The following PACRGL variants were observed in gnomAD, a reference collection of about 807,000 sequenced individuals.
The protein encoded by PACRGL is PACRG-like protein.
A neutral mutation model predicts 34.5 loss-of-function variants in PACRGL; 38 were observed. The ratio of observed to expected loss-of-function variants is 1.10; its 90% CI spans 0.85 to 1.44. The LOEUF (loss-of-function observed/expected upper bound fraction) is 1.44. Ranked by LOEUF, PACRGL falls within the 40% of genes most tolerant of loss-of-function variation. The pLI is 0.00. For missense variants in PACRGL, 305 were observed against 281.4 expected, an observed-to-expected ratio of 1.08 and a Z score of -0.60; for synonymous variants, 128 against 100.1, an observed-to-expected ratio of 1.28 and a Z score of -1.66.
At chr4:20,736,653 T>A (rs1318199209), downstream of PACRGL, among the ~76,000 whole-genome samples, 2 of 152,226 alleles carry the variant, frequency 1.3e-5, no homozygotes, top group Admixed American at 1.3e-4. Flanking sequence ...ATATTCTTAG[T>A]TTTTTCTTGA....
rs530971443 is a variant in PACRGL, at chr4:20,731,493, CTGTT to C, written c.*4154_*4157del. 7,427 of 985,312 alleles carry C rather than the reference CTGTT, an allele frequency of 7.5e-3. 39 individuals carry two copies. The highest frequency in any genetic ancestry group is 8.5e-3 in the Non-Finnish European group (7,023 of 829,874). The allele number at this position is 985,312 out of a possible 1,614,324, so 61.0% of individuals were successfully genotyped here. Reference sequence around the variant, plus strand: ...AGTTCTCTTCAGAGAAAATTTTCCACTGTTTATTTTTTGTGACTGAAGACCATTA... The same window carrying C: ...AGTTCTCTTCAGAGAAAATTTTCCACTATTTTTTGTGACTGAAGACCATTA... On this transcript the variant is annotated 3_prime_UTR_variant, in exon 9 of 9. Coordinates refer to ENST00000503585, the MANE Select transcript of PACRGL (RefSeq NM_001258345.3).
At chr4:20,738,448 G>A (rs1328605868) in intron 8 of PACRGL, among the ~76,000 whole-genome samples, 1 of 152,186 alleles carries the variant, frequency 6.6e-6, no homozygotes, top group African/African-American at 2.4e-5. Context: ...TTAGGTTGAA[G>A]TGGGACCCCA....
At chr4:20,739,164 A>G (rs981030101) in intron 8 of PACRGL, among the ~76,000 whole-genome samples, 2 of 152,234 alleles carry the variant, frequency 1.3e-5, no homozygotes, top group African/African-American at 4.8e-5. Flanking sequence ...GGGGCAGGTC[A>G]TAGCTGAACA....
chr4:20,759,037 C>T, the PACRGL span: 2 of 589,192 alleles, frequency 3.4e-6, no homozygotes, highest in African/African-American at 1.9e-5. Flanking sequence ...AATAAAAGCA[C>T]ACTATAAACT....
chr4:20,724,863 A>G lies in PACRGL; in HGVS notation c.665A>G (p.Gln222Arg). The change falls in exon 8 of 9, where the codon CAA becomes CGA. Residue 222 changes from glutamine to arginine, a missense_variant. Transcript: ENST00000503585. ...KFKEPITSAL[Q>R]KLEQHGGSGS... ...AAAGAGCCAATCACCAGCGCATTAC[A>G]AAAGCTAGAGCAACATGGTGGAAGT... is the stretch of plus-strand genomic sequence containing the variant. 6.7e-7 allele frequency: 1 copy of G among 1,497,936 alleles called. No homozygotes were observed. Among genetic ancestry groups the G allele is most frequent in the Non-Finnish European group, 8.8e-7 (1 of 1,132,602 alleles). 92.8% of individuals were successfully genotyped at this position (1,497,936 alleles called of 1,614,324 possible).
chr4:20,712,967 G>A (rs1308399371), intron 6 of PACRGL, 45 bp downstream of exon 6: 1 of 1,437,364 alleles, frequency 7.0e-7, no homozygotes, highest in African/African-American at 1.4e-5. Context: ...AAACATGATA[G>A]AAAAGAAAGC....
chr4:20,726,581 C>G (rs912549787), intron 8 of PACRGL, among the ~76,000 whole-genome samples: 1 of 152,070 alleles, frequency 6.6e-6, no homozygotes, highest in Non-Finnish European at 1.5e-5. Context: ...ACCTTAAAAG[C>G]TTATATATCT....
chr4:20,725,033 C>T, intron 8 of PACRGL, 145 bp downstream of exon 8: 1 of 502,690 alleles, frequency 2.0e-6, no homozygotes, highest in Non-Finnish European at 3.2e-6. Flanking sequence ...CCTTTTAGAA[C>T]TCAAGAGTTT....
intron 4 of PACRGL, 53 bp from the exon 5 acceptor site, chr4:20,709,630 C>T (rs892786060): frequency 1.8e-5 from 21 of 1,174,458 alleles, no homozygotes; most frequent in Non-Finnish European, 2.5e-5. Context: ...ATTATCCCTG[C>T]TTAATATAGA....
At chr4:20,720,120 A>G (rs964461343) in intron 7 of PACRGL, among the ~76,000 whole-genome samples, 29 of 152,068 alleles carry the variant, frequency 1.9e-4, no homozygotes, top group South Asian at 4.2e-4. Context: ...TTGTTGGTTT[A>G]AAGTCTTTTA....
intron 3 of PACRGL, among the ~76,000 whole-genome samples, chr4:20,707,278 G>A (rs1734948631): frequency 6.8e-6 from 1 of 147,202 alleles, no homozygotes; most frequent in African/African-American, 2.7e-5. Context: ...AAACTGAAAG[G>A]TTATGAAGTT....
At chr4:20,734,907 CCTT>C (rs1231720724), downstream of PACRGL, among the ~76,000 whole-genome samples, 1 of 152,044 alleles carries the variant, frequency 6.6e-6, no homozygotes, top group Non-Finnish European at 1.5e-5. Flanking sequence ...ATAAATCACT[CCTT>C]AGTCTTAACA....
intron 7 of PACRGL, among the ~76,000 whole-genome samples, chr4:20,722,041 A>AGCCTTGCTGCC (rs1743531859): frequency 6.6e-6 from 1 of 152,188 alleles, no homozygotes; most frequent in Non-Finnish European, 1.5e-5. Context: ...CCCCTCTCCC[A>AGCCTTGCTGCC]GCCTTGCTGC....
At chr4:20,748,117 C>A (rs2149331189) in intron 8 of PACRGL, among the ~76,000 whole-genome samples, 1 of 152,216 alleles carries the variant, frequency 6.6e-6, no homozygotes, top group East Asian at 1.9e-4. Flanking sequence ...AAATTCACAT[C>A]CCTGCCAAAA....
intron 8 of PACRGL, among the ~76,000 whole-genome samples, chr4:20,744,399 C>G (rs1226768802): frequency 6.6e-6 from 1 of 151,256 alleles, no homozygotes; most frequent in African/African-American, 2.5e-5. Flanking sequence ...GAAAATGTGG[C>G]ACATATACTG....
rs1160241214 is a variant in PACRGL, at chr4:20,727,297, A to G, written c.703A>G (p.Ile235Val). The change falls in exon 9 of 9, where the codon ATC becomes GTC. Residue 235 changes from isoleucine to valine, a missense_variant. Transcript: ENST00000503585. ...EQHGGSGSLS[I>V]IKSKIPTYCS... ...TTTCTGTTGACAGGGGAGCCTTAGC[A>G]TCATCAAATCTAAAATTCCAACATA... The G allele has an allele frequency of 1.9e-5, 30 of 1,612,724 alleles. No individual in the cohort carries two copies. The highest frequency in any genetic ancestry group is 2.5e-5 in the Non-Finnish European group (29 of 1,179,026).
At chr4:20,763,917 GT>G in the PACRGL span, among the ~76,000 whole-genome samples, 1 of 152,026 alleles carries the variant, frequency 6.6e-6, no homozygotes, top group South Asian at 2.1e-4. Context: ...CATTTCCCAG[GT>G]GTCATTTTTA....
chr4:20,731,435 C>A lies in PACRGL; in HGVS notation c.*4094C>A, dbSNP rs1466632671. The A allele has an allele frequency of 5.1e-6, 5 of 985,224 alleles. No homozygotes were observed. The highest frequency in any genetic ancestry group is 6.0e-6 in the Non-Finnish European group (5 of 829,892). 61.0% of individuals were successfully genotyped at this position (985,224 alleles called of 1,614,324 possible). A position where few individuals can be genotyped will look rare whatever the true frequency, so the allele number is the denominator to read the frequency against. Reference sequence around the variant, plus strand: ...AGTCAAATAATTCTAAGTAAGCTAACACTGGTTTCTTTGATAACAGGCTAC... The same window carrying A: ...AGTCAAATAATTCTAAGTAAGCTAAAACTGGTTTCTTTGATAACAGGCTAC... On this transcript the variant is annotated 3_prime_UTR_variant, in exon 9 of 9. Transcript: ENST00000503585.
rs558896827 is a variant in PACRGL, at chr4:20,706,615, C to T, written c.208-1188C>T. On this transcript the variant is annotated intron_variant, in intron 3 of 8. Coordinates refer to ENST00000503585, the MANE Select transcript of PACRGL (RefSeq NM_001258345.3). Reference sequence around the variant, plus strand: ...TTTTTGAGACGGAATCTCGCTCCGTCGCCAGGCTGGAGTGCAGTGGCACAA... The same window carrying T: ...TTTTTGAGACGGAATCTCGCTCCGTTGCCAGGCTGGAGTGCAGTGGCACAA... Among the ~76,000 whole-genome samples the T allele has an allele frequency of 2.5e-3, 371 of 151,270 alleles. 1 individual carries two copies. The highest frequency in any genetic ancestry group is 8.4e-3 in the African/African-American group (344 of 41,196).
Sources: allele counts gnomAD v4.1 joint callset (sites outside exome capture counted in the v4.1 genomes callset), GRCh38; gene constraint gnomAD v4.1.1; transcripts MANE v1.5; gene names NCBI Gene and HGNC (gene_info 2026-07-23, HGNC 2026-07-21).